Variants in BACE2 observed in about 807,000 individuals in gnomAD.
BACE2 encodes the protein beta-secretase 2.
Under a neutral mutation model 46.2 loss-of-function variants are expected in BACE2, and 17 were observed. The ratio of observed to expected loss-of-function variants is 0.37; its 90% CI spans 0.25 to 0.55. The LOEUF is 0.55. BACE2 is among the 20% of genes least tolerant of loss of function. The probability of loss-of-function intolerance (pLI) is 0.82; values close to 1 mark genes in which losing one functional copy is unlikely to be tolerated. For synonymous variants in BACE2, 277 were observed against 295.9 expected, an observed-to-expected ratio of 0.94 and a Z score of 0.66; for missense variants, 595 against 698.1, an observed-to-expected ratio of 0.85 and a Z score of 1.66.
chr21:41,199,275 G>T (rs1985864821), intron 1 of BACE2, among the ~76,000 whole-genome samples: 3 of 151,974 alleles, frequency 2.0e-5, no homozygotes, highest in South Asian at 4.1e-4. Context: ...GGCTGCCGGA[G>T]TCCCTTCCTC....
intron 1 of BACE2, among the ~76,000 whole-genome samples, chr21:41,190,056 C>T (rs994254502): frequency 2.6e-5 from 4 of 152,178 alleles, no homozygotes; most frequent in African/African-American, 4.8e-5. Context: ...TGGTGCCCTC[C>T]AGATTAAGGG....
chr21:41,220,506 G>A lies in BACE2; in HGVS notation c.313-5760G>A, dbSNP rs185863854. Among the ~76,000 whole-genome samples, 591 of 152,200 alleles carry A rather than the reference G, an allele frequency of 3.9e-3. 3 individuals carry two copies. Among genetic ancestry groups the A allele is most frequent in the Non-Finnish European group, 3.8e-3 (260 of 68,018 alleles). On this transcript the variant is annotated intron_variant, in intron 1 of 8. Coordinates refer to ENST00000330333, the MANE Select transcript of BACE2 (RefSeq NM_012105.5). The stretch of plus-strand genomic sequence containing the variant: ...ACAGCATACAAAAACACATCACTTT[G>A]GAGATTCCAGAGATTTTAGGAGTTG...
chr21:41,187,598 A>G (rs1183893627), intron 1 of BACE2, among the ~76,000 whole-genome samples: 1 of 152,216 alleles, frequency 6.6e-6, no homozygotes, highest in Admixed American at 6.5e-5. Flanking sequence ...ACTCTAACTC[A>G]TGAAAGCCTC....
At chr21:41,218,318 A>T (rs577205213) in intron 1 of BACE2, among the ~76,000 whole-genome samples, 11 of 152,344 alleles carry the variant, frequency 7.2e-5, no homozygotes, top group African/African-American at 2.4e-4. Context: ...CATATATATA[A>T]AGTGTTAAGA....
At chr21:41,232,650 C>T (rs1986998520) in intron 2 of BACE2, among the ~76,000 whole-genome samples, 1 of 152,114 alleles carries the variant, frequency 6.6e-6, no homozygotes, top group South Asian at 2.1e-4. Context: ...CTCCTCCTCT[C>T]TCTCTTGCCC....
chr21:41,257,667 T>A (rs1235105014), intron 8 of BACE2, among the ~76,000 whole-genome samples: 1 of 152,210 alleles, frequency 6.6e-6, no homozygotes, highest in Non-Finnish European at 1.5e-5. Flanking sequence ...ATTTCACACA[T>A]AAGCCGTGTA....
At chr21:41,265,933 T>C (rs1988056311) in intron 8 of BACE2, among the ~76,000 whole-genome samples, 1 of 152,232 alleles carries the variant, frequency 6.6e-6, no homozygotes, top group South Asian at 2.1e-4. Flanking sequence ...GCATAGAATG[T>C]GTGGATTAAA....
chr21:41,189,951 G>T (rs1364338363), intron 1 of BACE2, among the ~76,000 whole-genome samples: 2 of 152,156 alleles, frequency 1.3e-5, no homozygotes, highest in African/African-American at 4.8e-5. Flanking sequence ...GGCAGGAAGC[G>T]TCCAGTACGG....
At chr21:41,274,504 T>C (rs939206623) in intron 8 of BACE2, among the ~76,000 whole-genome samples, 2 of 152,206 alleles carry the variant, frequency 1.3e-5, no homozygotes, top group African/African-American at 4.8e-5. Context: ...TAATGAGGCC[T>C]ATTTCTTTTC....
intron 3 of BACE2, among the ~76,000 whole-genome samples, chr21:41,241,236 G>A (rs942935454): frequency 2.0e-5 from 3 of 152,164 alleles, no homozygotes; most frequent in Admixed American, 6.5e-5. Context: ...GGCCTTGGGG[G>A]AATAAGAAGC....
chr21:41,241,099 C>T (rs548036487), intron 3 of BACE2, among the ~76,000 whole-genome samples: 35 of 152,306 alleles, frequency 2.3e-4, no homozygotes, highest in African/African-American at 6.7e-4. Flanking sequence ...CCTGGCACAC[C>T]GGCACCTCAC....
At chr21:41,226,241 T>C in intron 1 of BACE2, 25 bp from the exon 2 acceptor site, 1 of 1,582,608 alleles carries the variant, frequency 6.3e-7, no homozygotes, top group Non-Finnish European at 8.6e-7. Context: ...CTTTCTATTT[T>C]TTTTTTCTCC....
rs2088502053 is a variant in BACE2, at chr21:41,277,362, T to C, written c.*1738T>C. ...ACTAGAGAAGATTTGAGTTGCAGCCTCTTGGAAAGAACATGACGGCACGGA... is the reference window on the plus strand; with the variant it reads ...ACTAGAGAAGATTTGAGTTGCAGCCCCTTGGAAAGAACATGACGGCACGGA... On this transcript the variant is annotated 3_prime_UTR_variant, in exon 9 of 9. Coordinates refer to ENST00000330333, the MANE Select transcript of BACE2 (RefSeq NM_012105.5). 6.6e-6 allele frequency: 1 copy of C among 152,196 alleles called. No individual in the cohort carries two copies. The highest frequency in any genetic ancestry group is 6.5e-5 in the Admixed American group (1 of 15,288). 9.4% of individuals were successfully genotyped at this position (152,196 alleles called of 1,614,324 possible).
intron 1 of BACE2, chr21:41,186,243 G>A (rs1985370608): frequency 6.6e-6 from 1 of 152,298 alleles, no homozygotes; most frequent in Non-Finnish European, 1.5e-5. Context: ...CCAGCTTGGG[G>A]GTGCTCAGCT....
At chr21:41,226,243 T>C (rs761168357) in intron 1 of BACE2, 23 bp from the exon 2 acceptor site, 1 of 1,585,866 alleles carries the variant, frequency 6.3e-7, no homozygotes, top group Non-Finnish European at 8.6e-7. Context: ...TTCTATTTTT[T>C]TTTTCTCCTT....
At chr21:41,226,389 G>C in intron 2 of BACE2, 35 bp downstream of exon 2, 1 of 1,562,794 alleles carries the variant, frequency 6.4e-7, no homozygotes, top group Non-Finnish European at 8.8e-7. Flanking sequence ...GTGCTGGGCC[G>C]GGGCACTGCA....
rs1300177417 is a variant in BACE2, at chr21:41,282,507, T to A, written c.*6883T>A. ...GAAAGGGAAATAAAACATTTTTGTT[T>A]ATTTGAATAAATAATACTCCCAACC... On this transcript the variant is annotated 3_prime_UTR_variant, in exon 9 of 9. Coordinates refer to ENST00000330333, the MANE Select transcript of BACE2 (RefSeq NM_012105.5). The A allele has an allele frequency of 6.6e-6, 1 of 152,262 alleles. No individual in the cohort carries two copies. The highest frequency in any genetic ancestry group is 1.5e-5 in the Non-Finnish European group (1 of 68,054). The allele number at this position is 152,262 out of a possible 1,614,324, so 9.4% of individuals were successfully genotyped here.
chr21:41,241,766 A>G (rs765878174), intron 3 of BACE2, 53 bp from the exon 4 acceptor site: 110 of 1,606,520 alleles, frequency 6.8e-5, no homozygotes, highest in Non-Finnish European at 9.0e-5. Context: ...TGGGTGACCC[A>G]TGTCTACACT....
Position 41,168,337 on chromosome 21 carries a change from C to T in BACE2, c.74C>T (p.Ala25Val), listed in dbSNP as rs1280762618. 3.7e-6 allele frequency: 5 copies of T among 1,363,868 alleles called. No individual in the cohort carries two copies. The highest frequency in any genetic ancestry group is 3.2e-5 in the East Asian group (1 of 31,464). The allele number at this position is 1,363,868 out of a possible 1,614,324, so 84.5% of individuals were successfully genotyped here. A position where few individuals can be genotyped will look rare whatever the true frequency, so the allele number is the denominator to read the frequency against. ...QWLLRAAPEL[A>V]PAPFTLPLRV... is the part of the protein sequence containing the mutation. ...CTCCTGCGCGCCGCCCCGGAGCTGG[C>T]CCCCGCGCCCTTCACGCTGCCCCTC... Residue 25 changes from alanine to valine, a missense_variant, in exon 1 of 9, where the codon GCC (alanine) becomes GTC (valine). This residue lies in a region of BACE2 where 248 missense variants were observed against 261.4 expected (regional missense o/e 0.95). Coordinates refer to ENST00000330333, the MANE Select transcript of BACE2 (RefSeq NM_012105.5).
Sources: gnomAD v4.1 joint callset for allele counts (sites outside exome capture counted in the v4.1 genomes callset) on GRCh38, gnomAD v4.1.1 for gene constraint, gnomAD v4.1.1 regional missense constraint, MANE v1.5 for transcripts, NCBI Gene and HGNC (gene_info 2026-07-23, HGNC 2026-07-21) for gene names.